NRG1: variants seen among roughly 807,000 people sequenced by gnomAD.
The protein encoded by NRG1 is neuregulin 1, also known as pro-neuregulin-1, membrane-bound isoform.
A neutral mutation model predicts 63.8 loss-of-function variants in NRG1; 18 were observed. That is an observed-to-expected ratio of 0.28 (90% CI 0.19 to 0.42). The LOEUF (loss-of-function observed/expected upper bound fraction) is 0.42. NRG1 is among the 10% of genes least tolerant of loss of function. The probability of loss-of-function intolerance (pLI) is 1.00; values close to 1 mark genes in which losing one functional copy is unlikely to be tolerated. For synonymous variants in NRG1, 302 were observed against 301.3 expected, an observed-to-expected ratio of 1.00 and a Z score of -0.02; for missense variants, 762 against 814.7, an observed-to-expected ratio of 0.94 and a Z score of 0.79.
At chr8:32,665,927 A>G (rs1168788837) in intron 5 of NRG1, among the ~76,000 whole-genome samples, 1 of 152,254 alleles carries the variant, frequency 6.6e-6, no homozygotes, top group Admixed American at 6.5e-5. Context: ...CTATTTTAAT[A>G]TAATTAGTGA....
intron 1 of NRG1, among the ~76,000 whole-genome samples, chr8:32,504,299 C>A (rs6468117): frequency 0.57 from 86,800 of 151,928 alleles, 25,196 homozygotes; most frequent in East Asian, 0.79. Flanking sequence ...GAAAGGGAAC[C>A]CTCTCCTGCC....
At chr8:32,751,294 C>G (rs1828677378) in intron 7 of NRG1, 1 of 152,132 alleles carries the variant, frequency 6.6e-6, no homozygotes, top group Admixed American at 6.5e-5. Context: ...TTGGCCAGGC[C>G]AGATCAGACT....
At chr8:32,760,652 C>T (rs1830528818) in intron 11 of NRG1, 10 of 1,301,954 alleles carry the variant, frequency 7.7e-6, no homozygotes, top group East Asian at 3.5e-5. Flanking sequence ...TGCTTTGATG[C>T]GGAAGGTGCA....
intron 1 of NRG1, among the ~76,000 whole-genome samples, chr8:32,416,098 C>T (rs565055665): frequency 7.2e-5 from 11 of 152,326 alleles, no homozygotes; most frequent in African/African-American, 2.6e-4. Flanking sequence ...AATTCTGTCA[C>T]TTACAAATAT....
chr8:31,898,981 A>C (rs1462191281), intron 1 of NRG1, among the ~76,000 whole-genome samples: 1 of 152,202 alleles, frequency 6.6e-6, no homozygotes, highest in Non-Finnish European at 1.5e-5. Context: ...TTTCACTTGC[A>C]TGGCTTTTCC....
At chr8:32,744,372 A>T (rs141878756) in intron 7 of NRG1, among the ~76,000 whole-genome samples, 2,813 of 152,290 alleles carry the variant, frequency 0.018, 39 homozygotes, top group Non-Finnish European at 0.032. Context: ...AAAATTTCCA[A>T]ACAGCCTTCA....
At chr8:31,735,222 C>T (rs541095961) in intron 1 of NRG1, among the ~76,000 whole-genome samples, 1 of 152,074 alleles carries the variant, frequency 6.6e-6, no homozygotes, top group Non-Finnish European at 1.5e-5. Flanking sequence ...ACTACTTACT[C>T]CTAAAACAAT....
rs186373280 is a variant in NRG1, at chr8:32,335,074, A to G, written c.38-260754A>G. Among the ~76,000 whole-genome samples, 234 of 152,286 alleles carry G rather than the reference A, an allele frequency of 1.5e-3. 3 individuals are homozygous for G. Among genetic ancestry groups the G allele is most frequent in the Non-Finnish European group, 2.7e-3 (186 of 68,034 alleles). On this transcript the variant is annotated intron_variant, in intron 1 of 10. Transcript: ENST00000519301. ...ATCCATAATTGATATAGTGGTATAT[A>G]TATAATTTATATATTATACCATAGG...
intron 1 of NRG1, among the ~76,000 whole-genome samples, chr8:32,407,657 T>C (rs1186978024): frequency 1.3e-5 from 2 of 152,100 alleles, no homozygotes; most frequent in African/African-American, 4.8e-5. Context: ...TCTGTATCCC[T>C]TTCAGTACAT....
chr8:31,959,132 T>A (rs143474675), intron 1 of NRG1, among the ~76,000 whole-genome samples: 40 of 152,316 alleles, frequency 2.6e-4, no homozygotes, highest in South Asian at 6.2e-4. Flanking sequence ...GGTTGCTCAA[T>A]AAATACCAGT....
At chr8:32,068,457 A>T (rs992861215) in intron 1 of NRG1, among the ~76,000 whole-genome samples, 4 of 152,186 alleles carry the variant, frequency 2.6e-5, no homozygotes, top group Admixed American at 6.6e-5. Context: ...GGATCCAACA[A>T]AGACATGCAT....
At chr8:32,204,677 G>T (rs1037574828) in intron 1 of NRG1, among the ~76,000 whole-genome samples, 3 of 152,150 alleles carry the variant, frequency 2.0e-5, no homozygotes, top group African/African-American at 7.2e-5. Context: ...GTTAACTGTA[G>T]CCTCAATGGA....
downstream of NRG1, among the ~76,000 whole-genome samples, chr8:32,772,049 A>G (rs1326002665): frequency 3.6e-3 from 7 of 1,918 alleles, 1 homozygote; most frequent in African/African-American, 9.2e-3. Flanking sequence ...ATGTATATAT[A>G]TATATATATA....
chr8:31,733,459 A>C (rs565887255), intron 1 of NRG1, among the ~76,000 whole-genome samples: 13 of 152,284 alleles, frequency 8.5e-5, no homozygotes, highest in African/African-American at 3.1e-4. Flanking sequence ...ACATTTTAAG[A>C]ATGTGTTGTT....
At chr8:32,586,158 C>CTATA (rs5890660) in intron 1 of NRG1, among the ~76,000 whole-genome samples, 11 of 146,354 alleles carry the variant, frequency 7.5e-5, no homozygotes, top group East Asian at 5.9e-4. Flanking sequence ...GTTGAAAGTA[C>CTATA]TATATATATA....
intron 1 of NRG1, among the ~76,000 whole-genome samples, chr8:31,942,166 G>A (rs561886842): frequency 6.6e-6 from 1 of 152,234 alleles, no homozygotes; most frequent in African/African-American, 2.4e-5. Context: ...CACCAAAACA[G>A]CATGGTACTG....
chr8:32,748,564 A>C lies in NRG1; in HGVS notation c.692-5808A>C, dbSNP rs567850783. On this transcript the variant is annotated intron_variant, in intron 7 of 11. Coordinates refer to ENST00000356819, the Ensembl canonical transcript of NRG1. ...CTCTGCAGGTTCTGCTGTTCTTGCA[A>C]TCCTGGAGTCTCTGGAGTCCCAGCT... 1.3e-5 allele frequency: 4 copies of C among 308,554 alleles called. No individual in the cohort carries two copies. The East Asian group carries it at 5.3e-4, about 41-fold the overall frequency. The allele number at this position is 308,554 out of a possible 1,614,324, so 19.1% of individuals were successfully genotyped here. A position where few individuals can be genotyped will look rare whatever the true frequency, so the allele number is the denominator to read the frequency against.
chr8:31,645,258 C>CA (rs1236865269), intron 1 of NRG1, among the ~76,000 whole-genome samples: 1 of 152,162 alleles, frequency 6.6e-6, no homozygotes, highest in Non-Finnish European at 1.5e-5. Context: ...AGTACTTGAA[C>CA]GTTTGCTTAG....
intron 1 of NRG1, among the ~76,000 whole-genome samples, chr8:31,808,402 G>T (rs1223614555): frequency 2.6e-5 from 4 of 151,886 alleles, no homozygotes; most frequent in Non-Finnish European, 5.9e-5. Flanking sequence ...AAGATAAAAC[G>T]AGTTTAACAG....
Sources: allele counts gnomAD v4.1 joint callset (sites outside exome capture counted in the v4.1 genomes callset), GRCh38; gene constraint gnomAD v4.1.1; transcripts MANE v1.5; gene names NCBI Gene and HGNC (gene_info 2026-07-23, HGNC 2026-07-21).